Variants in PDZRN4 observed in about 807,000 individuals in gnomAD.
PDZRN4 encodes the protein PDZ domain containing ring finger 4, also known as PDZ domain-containing RING finger protein 4.
PDZRN4 carries 70 observed loss-of-function variants against 99.0 expected under a neutral mutation model. The ratio of observed to expected loss-of-function variants is 0.71; its 90% CI spans 0.58 to 0.86. PDZRN4 has a LOEUF of 0.86. PDZRN4 is among the 40% of genes least tolerant of loss of function. The probability of loss-of-function intolerance (pLI) is 0.00; values close to 1 mark genes in which losing one functional copy is unlikely to be tolerated. For missense variants in PDZRN4, 1,474 were observed against 1,331.2 expected (o/e 1.11, Z -1.67); for synonymous variants, 551 against 501.6 (o/e 1.10, Z -1.32).
chr12:41,240,223 G>A (rs535143471), intron 3 of PDZRN4, among the ~76,000 whole-genome samples: 1 of 152,078 alleles, frequency 6.6e-6, no homozygotes, highest in South Asian at 2.1e-4. Flanking sequence ...TCTTTTTGAG[G>A]GTGATTTCCT....
rs909524977 is a variant in PDZRN4, at chr12:41,295,269, C to T, written c.843+101081C>T. On this transcript the variant is annotated intron_variant, in intron 3 of 9. Transcript: ENST00000402685. ...AAAATTAAAAAAAGGATTTGAGATA[C>T]AGGAAACACTGGAAACAATTCATTG... Among the ~76,000 whole-genome samples, 7 of 152,082 alleles carry T rather than the reference C, an allele frequency of 4.6e-5. No individual in the cohort carries two copies. The East Asian group carries it at 7.7e-4, about 17-fold the overall frequency.
At chr12:41,219,052 C>A (rs770816607) in intron 3 of PDZRN4, among the ~76,000 whole-genome samples, 1 of 150,020 alleles carries the variant, frequency 6.7e-6, no homozygotes, top group Non-Finnish European at 1.5e-5. Context: ...GGAATAATAA[C>A]GTAGAGACTT....
chr12:41,365,643 C>T (rs1463798203), intron 3 of PDZRN4, among the ~76,000 whole-genome samples: 2 of 152,082 alleles, frequency 1.3e-5, no homozygotes, highest in East Asian at 1.9e-4. Flanking sequence ...AGATTATCAA[C>T]ATATTCCCTT....
At chr12:41,397,666 C>G (rs1266869697) in intron 3 of PDZRN4, among the ~76,000 whole-genome samples, 1 of 151,896 alleles carries the variant, frequency 6.6e-6, no homozygotes, top group Non-Finnish European at 1.5e-5. Flanking sequence ...TTTTAAGAGC[C>G]CACATTTTGT....
At chr12:41,424,023 A>T (rs1952513550) in intron 3 of PDZRN4, among the ~76,000 whole-genome samples, 1 of 152,172 alleles carries the variant, frequency 6.6e-6, no homozygotes, top group Non-Finnish European at 1.5e-5. Flanking sequence ...TACTCTTGCC[A>T]TGTTGGGAAG....
At chr12:41,339,381 G>C (rs1324875964) in intron 3 of PDZRN4, among the ~76,000 whole-genome samples, 1 of 151,982 alleles carries the variant, frequency 6.6e-6, no homozygotes, top group Non-Finnish European at 1.5e-5. Context: ...ATATGCAAAA[G>C]AATAAAGCTA....
At chr12:41,287,701 A>G (rs886528639) in intron 3 of PDZRN4, among the ~76,000 whole-genome samples, 2 of 152,224 alleles carry the variant, frequency 1.3e-5, no homozygotes, top group South Asian at 2.1e-4. Flanking sequence ...AATCAAATAG[A>G]AAACTCTGAA....
chr12:41,403,600 G>A (rs1952320709), intron 3 of PDZRN4, among the ~76,000 whole-genome samples: 1 of 152,060 alleles, frequency 6.6e-6, no homozygotes, highest in Admixed American at 6.6e-5. Context: ...GGTTCTTGTG[G>A]GGGTTGGGAT....
At chr12:41,233,981 A>G (rs1951048507) in intron 3 of PDZRN4, among the ~76,000 whole-genome samples, 2 of 152,000 alleles carry the variant, frequency 1.3e-5, no homozygotes. Flanking sequence ...CTGTTTCCAG[A>G]TGTAGCAGAG....
chr12:41,375,191 C>G (rs1952070257), intron 3 of PDZRN4, among the ~76,000 whole-genome samples: 1 of 152,148 alleles, frequency 6.6e-6, no homozygotes, highest in Non-Finnish European at 1.5e-5. Flanking sequence ...ACCCTCAATT[C>G]AGAACCACCC....
At chr12:41,420,399 T>C (rs144330397) in intron 3 of PDZRN4, among the ~76,000 whole-genome samples, 292 of 152,278 alleles carry the variant, frequency 1.9e-3, no homozygotes, top group Middle Eastern at 0.017. Flanking sequence ...TCACATTAGC[T>C]CTGTCTTCTT....
intron 3 of PDZRN4, among the ~76,000 whole-genome samples, chr12:41,460,254 TC>T (rs1244121078): frequency 2.0e-5 from 3 of 152,204 alleles, no homozygotes; most frequent in Non-Finnish European, 4.4e-5. Context: ...CTTGCTACTT[TC>T]TTACAATATT....
intron 3 of PDZRN4, among the ~76,000 whole-genome samples, chr12:41,423,144 T>C (rs958617452): frequency 5.3e-5 from 8 of 151,420 alleles, no homozygotes; most frequent in Non-Finnish European, 1.0e-4. Flanking sequence ...TTTTATTTGC[T>C]GAAACTTTTT....
Position 41,421,224 on chromosome 12 carries a change from A to G in PDZRN4, c.844-85232A>G, listed in dbSNP as rs547501904. On this transcript the variant is annotated intron_variant, in intron 3 of 9. Transcript: ENST00000402685. ...ATTTGTTTCTTTTTTTTCTTTTGAG[A>G]CAGAATCTTGCTTTGTCACCCAGGA... Among the ~76,000 whole-genome samples, 15 of 152,008 alleles carry G rather than the reference A, an allele frequency of 9.9e-5. No individual in the cohort carries two copies. In the East Asian group the frequency reaches 2.9e-3, roughly 29 times the overall value.
At chr12:41,516,485 A>G (rs548195943) in intron 5 of PDZRN4, among the ~76,000 whole-genome samples, 2 of 152,224 alleles carry the variant, frequency 1.3e-5, no homozygotes, top group Non-Finnish European at 2.9e-5. Context: ...TAAAGTAAGA[A>G]AGTCTTTTTT....
chr12:41,290,983 C>T (rs114238959), intron 3 of PDZRN4, among the ~76,000 whole-genome samples: 1,882 of 151,858 alleles, frequency 0.012, 37 homozygotes, highest in African/African-American at 0.043. Flanking sequence ...TGAAAGCCTC[C>T]TTTTTAAAGA....
At chr12:41,377,788 C>G (rs1217719449) in intron 3 of PDZRN4, among the ~76,000 whole-genome samples, 1 of 152,018 alleles carries the variant, frequency 6.6e-6, no homozygotes, top group Non-Finnish European at 1.5e-5. Context: ...TTAGAAAGTT[C>G]ATTGTTAGTA....
chr12:41,237,101 G>T (rs1951072941), intron 3 of PDZRN4, among the ~76,000 whole-genome samples: 1 of 151,950 alleles, frequency 6.6e-6, no homozygotes, highest in African/African-American at 2.4e-5. Flanking sequence ...AATAAAACAT[G>T]AAAATAAAAA....
At chr12:41,306,274 A>G (rs1181439183) in intron 3 of PDZRN4, among the ~76,000 whole-genome samples, 4 of 152,218 alleles carry the variant, frequency 2.6e-5, no homozygotes. Context: ...TCATGGCTCC[A>G]GGCAGCCCTG....
Sources: allele counts gnomAD v4.1 joint callset (sites outside exome capture counted in the v4.1 genomes callset), GRCh38; gene constraint gnomAD v4.1.1; transcripts MANE v1.5; gene names NCBI Gene and HGNC (gene_info 2026-07-23, HGNC 2026-07-21).